The following NINJ2 variants were observed in gnomAD, a reference collection of about 807,000 sequenced individuals.
NINJ2 encodes the protein ninjurin-2.
Under a neutral mutation model 11.7 loss-of-function variants are expected in NINJ2, and 12 were observed. The ratio of observed to expected loss-of-function variants is 1.02; its 90% confidence interval spans 0.66 to 1.66. The LOEUF (loss-of-function observed/expected upper bound fraction) is 1.66, where lower values mean the gene tolerates loss of function less well. Among genes scored for constraint, NINJ2 ranks in the 40% most tolerant of loss-of-function variants. The pLI, the probability that NINJ2 is intolerant of heterozygous loss-of-function variation, is 0.00. For synonymous variants in NINJ2, 93 were observed against 76.8 expected (o/e 1.21, Z -1.10); for missense variants, 187 against 181.8 (o/e 1.03, Z -0.16).
At chr12:643,768 G>T in intron 1 of NINJ2, 1 of 741,026 alleles carries the variant, frequency 1.3e-6, no homozygotes, top group Non-Finnish European at 1.7e-6. Flanking sequence ...GGAGCAGTCA[G>T]TCTACTCTTC....
At chr12:592,536 A>C (rs1417158916) in intron 1 of NINJ2, among the ~76,000 whole-genome samples, 1 of 152,138 alleles carries the variant, frequency 6.6e-6, no homozygotes, top group Non-Finnish European at 1.5e-5. Context: ...CCCCGTCTTT[A>C]CTGAAAATAC....
chr12:609,521 G>T (rs777092535), intron 1 of NINJ2, among the ~76,000 whole-genome samples: 1 of 152,158 alleles, frequency 6.6e-6, no homozygotes, highest in Non-Finnish European at 1.5e-5. Context: ...TGTAATCCCA[G>T]CACTTTGGGA....
intron 1 of NINJ2, among the ~76,000 whole-genome samples, chr12:653,604 T>TA (rs1937828427): frequency 6.7e-6 from 1 of 149,436 alleles, no homozygotes; most frequent in African/African-American, 2.5e-5. Flanking sequence ...GGGCAATAAC[T>TA]AAAAAAAGTT....
chr12:637,211 T>G (rs911165721), intron 1 of NINJ2, among the ~76,000 whole-genome samples: 43 of 149,396 alleles, frequency 2.9e-4, no homozygotes, highest in Non-Finnish European at 2.2e-4. Flanking sequence ...TAGCCAGGCG[T>G]GGTGGTGCAC....
intron 1 of NINJ2, among the ~76,000 whole-genome samples, chr12:606,427 A>T (rs1451608301): frequency 6.6e-6 from 1 of 152,180 alleles, no homozygotes; most frequent in African/African-American, 2.4e-5. Context: ...AAGAAAAGAG[A>T]AAGGCAAAAA....
At chr12:651,236 A>G (rs1193574475) in intron 1 of NINJ2, among the ~76,000 whole-genome samples, 1 of 152,240 alleles carries the variant, frequency 6.6e-6, no homozygotes, top group Non-Finnish European at 1.5e-5. Flanking sequence ...AGGCCAGAGC[A>G]TTCTGTTGGT....
Position 613,547 on chromosome 12 carries a change from T to C in NINJ2, c.34-47369A>G, listed in dbSNP as rs139034178. ...TTGCTTGAACTTAGGAGGCAGAGGT[T>C]GCAGTGAGCCAAGATTGCGACATTA... On this transcript the variant is annotated intron_variant, in intron 1 of 3. Coordinates refer to ENST00000305108, the MANE Select transcript of NINJ2 (RefSeq NM_016533.6). Among the ~76,000 whole-genome samples the C allele has an allele frequency of 4.3e-3, 658 of 151,946 alleles. 32 individuals are homozygous for C. The East Asian group carries it at 0.11, about 25-fold the overall frequency.
At chr12:565,541 G>A (rs1565615875) in intron 2 of NINJ2, 140 bp from the exon 3 acceptor site, 3 of 863,210 alleles carry the variant, frequency 3.5e-6, no homozygotes, top group Middle Eastern at 3.6e-4. Context: ...GGTCGTCATC[G>A]GGCTGAGATG....
chr12:630,024 A>G (rs896801908), intron 1 of NINJ2, among the ~76,000 whole-genome samples: 1 of 150,258 alleles, frequency 6.7e-6, no homozygotes, highest in African/African-American at 2.4e-5. Flanking sequence ...CCAGGGAAAC[A>G]AAACAATTGG....
intron 1 of NINJ2, among the ~76,000 whole-genome samples, chr12:623,994 C>G (rs557384624): frequency 6.6e-6 from 1 of 152,306 alleles, no homozygotes; most frequent in South Asian, 2.1e-4. Flanking sequence ...TGTGATCACA[C>G]CACTGCATTC....
chr12:660,756 T>C (rs1592122090), intron 1 of NINJ2, among the ~76,000 whole-genome samples: 1 of 151,984 alleles, frequency 6.6e-6, no homozygotes. Flanking sequence ...AGGTCAGGAG[T>C]GCAAGACTAG....
Position 585,475 on chromosome 12 carries a change from G to A in NINJ2, c.34-19297C>T, listed in dbSNP as rs1293495099. ...CCTCATCAGGCAGGCAACGGTTGGA[G>A]GAAGGGAACGGTTGGAGGGAAGGGA... On this transcript the variant is annotated intron_variant, in intron 1 of 3. Coordinates refer to ENST00000305108, the MANE Select transcript of NINJ2 (RefSeq NM_016533.6). This position sits in a 1 kb window ranked among gnomAD's most constrained non-coding sequence, Gnocchi z 4.1. Among the ~76,000 whole-genome samples, 1 of 35,162 alleles carries A rather than the reference G, an allele frequency of 2.8e-5. No homozygotes were observed. The highest frequency in any genetic ancestry group is 6.9e-5 in the Non-Finnish European group (1 of 14,496). The allele number at this position is 35,162 out of a possible 152,430, so 23.1% of individuals were successfully genotyped here.
intron 1 of NINJ2, among the ~76,000 whole-genome samples, chr12:635,422 C>T (rs1948339108): frequency 6.6e-6 from 1 of 152,176 alleles, no homozygotes; most frequent in Non-Finnish European, 1.5e-5. Flanking sequence ...CCAAAATAAA[C>T]CCTTGCCTAT....
chr12:620,131 C>T (rs752773438), intron 1 of NINJ2, among the ~76,000 whole-genome samples: 19 of 152,304 alleles, frequency 1.2e-4, no homozygotes, highest in Non-Finnish European at 2.2e-4. Context: ...CTCCTAGTGA[C>T]GGGAGAGCAC....
intron 1 of NINJ2, among the ~76,000 whole-genome samples, chr12:638,468 T>G (rs924834946): frequency 6.6e-6 from 1 of 152,218 alleles, no homozygotes; most frequent in African/African-American, 2.4e-5. Flanking sequence ...CAGGCTGGAG[T>G]GCAGTGGCGC....
intron 1 of NINJ2, among the ~76,000 whole-genome samples, chr12:626,342 G>A (rs1948210254): frequency 6.6e-6 from 1 of 152,236 alleles, no homozygotes; most frequent in African/African-American, 2.4e-5. Context: ...CGTTAGTGAG[G>A]AGGTAGTGGG....
chr12:612,097 T>G (rs1483035382), intron 1 of NINJ2, among the ~76,000 whole-genome samples: 1 of 152,210 alleles, frequency 6.6e-6, no homozygotes, highest in East Asian at 1.9e-4. Flanking sequence ...GGTGAGCATC[T>G]TCAATCATGT....
At chr12:646,295 G>A (rs933106381) in intron 1 of NINJ2, among the ~76,000 whole-genome samples, 2 of 152,150 alleles carry the variant, frequency 1.3e-5, no homozygotes, top group African/African-American at 4.8e-5. Context: ...TTACAGGAGC[G>A]TCCACCTCTT....
At chr12:608,544 G>C (rs1001784958) in intron 1 of NINJ2, among the ~76,000 whole-genome samples, 1 of 152,218 alleles carries the variant, frequency 6.6e-6, no homozygotes, top group African/African-American at 2.4e-5. Context: ...ACTAGCAAAT[G>C]GCAGAACTGG....
Sources: gnomAD v4.1 joint callset for allele counts (sites outside exome capture counted in the v4.1 genomes callset) on GRCh38, gnomAD v4.1.1 for gene constraint, Gnocchi (gnomAD v3.1) non-coding constraint, MANE v1.5 for transcripts, NCBI Gene and HGNC (gene_info 2026-07-23, HGNC 2026-07-21) for gene names.